AGMO: variants seen among roughly 807,000 people sequenced by gnomAD.
The protein encoded by AGMO is glyceryl-ether monooxygenase.
A neutral mutation model predicts 60.2 loss-of-function variants in AGMO; 75 were observed. That is an observed-to-expected ratio of 1.25 (90% confidence interval 1.03 to 1.51). The LOEUF (loss-of-function observed/expected upper bound fraction) is 1.51. Ranked by LOEUF, AGMO falls within the 40% of genes most tolerant of loss-of-function variation. The probability of loss-of-function intolerance (pLI) is 0.00; values close to 1 mark genes in which losing one functional copy is unlikely to be tolerated. For synonymous variants in AGMO, 261 were observed against 177.1 expected (o/e 1.47, Z -3.76); for missense variants, 763 against 525.5 (o/e 1.45, Z -4.42).
At chr7:15,140,641 TCTC>T in the AGMO span, among the ~76,000 whole-genome samples, 1 of 152,298 alleles carries the variant, frequency 6.6e-6, no homozygotes, top group South Asian at 2.1e-4. Context: ...TCATCGGTTC[TCTC>T]TTCAGTCTAA....
intron 4 of AGMO, among the ~76,000 whole-genome samples, chr7:15,419,222 G>A (rs574426528): frequency 1.1e-3 from 172 of 151,800 alleles, no homozygotes; most frequent in African/African-American, 4.0e-3. Context: ...TGGTTCCATG[G>A]TGAAAAAAAT....
chr7:15,303,443 A>T (rs888221289), intron 12 of AGMO, among the ~76,000 whole-genome samples: 1 of 151,852 alleles, frequency 6.6e-6, no homozygotes. Context: ...ACAGAAAAAA[A>T]AAAGAGAGAG....
At chr7:15,296,310 A>C (rs1260638432) in intron 12 of AGMO, among the ~76,000 whole-genome samples, 1 of 152,196 alleles carries the variant, frequency 6.6e-6, no homozygotes, top group Non-Finnish European at 1.5e-5. Flanking sequence ...CCCTAAGTTT[A>C]TCTGACTAAA....
intron 12 of AGMO, among the ~76,000 whole-genome samples, chr7:15,312,920 C>T (rs1466056516): frequency 6.6e-6 from 1 of 152,042 alleles, no homozygotes; most frequent in Non-Finnish European, 1.5e-5. Flanking sequence ...CCACCCACCT[C>T]GGCCTCCCAA....
intron 4 of AGMO, among the ~76,000 whole-genome samples, chr7:15,419,963 C>G (rs1780882086): frequency 6.6e-6 from 1 of 152,022 alleles, no homozygotes; most frequent in Admixed American, 6.6e-5. Flanking sequence ...AGGTTAACAG[C>G]AAAATACTTG....
rs760546572 is a variant in AGMO at position 15,560,310 on chromosome 7, C to T, written c.127-39G>A. ...TGCAGAAAAGAGATGCTATTATGTT[C>T]CATATGAAATTATTTTACATTTCCT... is the stretch of plus-strand genomic sequence containing the variant. On this transcript the variant is annotated intron_variant, in intron 1 of 12. Coordinates refer to ENST00000342526, the MANE Select transcript of AGMO (RefSeq NM_001004320.2). 17 of 1,583,786 alleles carry T rather than the reference C, an allele frequency of 1.1e-5. No individual in the cohort carries two copies. In the South Asian group the frequency reaches 1.4e-4, roughly 13 times the overall value.
At chr7:15,362,540 C>T (rs138625060) in intron 12 of AGMO, among the ~76,000 whole-genome samples, 2 of 152,098 alleles carry the variant, frequency 1.3e-5, no homozygotes, top group Non-Finnish European at 2.9e-5. Context: ...ATTTTTCCAC[C>T]AAACCATGTG....
At chr7:15,240,110 C>T (rs567950853) in intron 12 of AGMO, among the ~76,000 whole-genome samples, 1 of 152,196 alleles carries the variant, frequency 6.6e-6, no homozygotes, top group African/African-American at 2.4e-5. Flanking sequence ...AATCAAGCTA[C>T]ATCAAAGGGG....
At chr7:15,123,510 C>T in the AGMO span, among the ~76,000 whole-genome samples, 510 of 152,026 alleles carry the variant, frequency 3.4e-3, 1 homozygote, top group South Asian at 0.013. Context: ...TGAATGAATA[C>T]TTATATTCAC....
At chr7:15,395,888 A>G (rs1784356329) in intron 5 of AGMO, among the ~76,000 whole-genome samples, 3 of 152,162 alleles carry the variant, frequency 2.0e-5, no homozygotes, top group Admixed American at 2.0e-4. Flanking sequence ...TGCTCAATAC[A>G]TGTGAATAGG....
chr7:15,516,059 T>C (rs1380575666), intron 3 of AGMO, among the ~76,000 whole-genome samples: 1 of 152,190 alleles, frequency 6.6e-6, no homozygotes, highest in Non-Finnish European at 1.5e-5. Flanking sequence ...ATGTGAGGTA[T>C]GATGTAAATT....
chr7:15,295,460 T>C (rs932072415), intron 12 of AGMO, among the ~76,000 whole-genome samples: 1 of 151,984 alleles, frequency 6.6e-6, no homozygotes, highest in South Asian at 2.1e-4. Context: ...ATACAATAAT[T>C]GCTATGGAGA....
chr7:15,504,182 A>G (rs1276275447), intron 3 of AGMO, among the ~76,000 whole-genome samples: 2 of 152,036 alleles, frequency 1.3e-5, no homozygotes, highest in South Asian at 2.1e-4. Context: ...CTGACCCAGC[A>G]TACCAACTGC....
At chr7:15,329,569 G>C (rs759646139) in intron 12 of AGMO, among the ~76,000 whole-genome samples, 1 of 152,170 alleles carries the variant, frequency 6.6e-6, no homozygotes, top group East Asian at 1.9e-4. Flanking sequence ...TTCTATCAGA[G>C]AGGAATAACC....
chr7:15,202,655 CTAAAAATA>C (rs1441526963), intron 12 of AGMO, among the ~76,000 whole-genome samples: 1 of 151,898 alleles, frequency 6.6e-6, no homozygotes, highest in Non-Finnish European at 1.5e-5. Flanking sequence ...TGAAAAAATA[CTAAAAATA>C]AAATCAGCAG....
chr7:15,439,441 T>C (rs896612292), intron 3 of AGMO, among the ~76,000 whole-genome samples: 3 of 152,140 alleles, frequency 2.0e-5, no homozygotes, highest in African/African-American at 7.2e-5. Flanking sequence ...CTGCAGCTTT[T>C]TCCTCCCTCC....
chr7:15,336,891 T>C (rs1781680625), intron 12 of AGMO, among the ~76,000 whole-genome samples: 1 of 152,220 alleles, frequency 6.6e-6, no homozygotes, highest in African/African-American at 2.4e-5. Flanking sequence ...AGAGTAATTT[T>C]CTCAAACCAC....
intron 10 of AGMO, among the ~76,000 whole-genome samples, chr7:15,376,256 T>C (rs1783445590): frequency 6.6e-6 from 1 of 151,954 alleles, no homozygotes; most frequent in African/African-American, 2.4e-5. Flanking sequence ...CCCAAGGGGA[T>C]AGACTAGAGA....
At position 15,202,458 on chromosome 7, in the gene AGMO, C is replaced by CAAAAAAAAAAAAAAAA. The variant is rs71004370; in HGVS notation, c.1264-1115_1264-1100dup. Among the ~76,000 whole-genome samples the CAAAAAAAAAAAAAAAA allele has an allele frequency of 1.8e-3, 81 of 45,366 alleles. 10 individuals carry two copies. The highest frequency in any genetic ancestry group is 4.4e-3 in the East Asian group (4 of 914). The allele number at this position is 45,366 out of a possible 152,430, so 29.8% of individuals were successfully genotyped here. A position where few individuals can be genotyped will look rare whatever the true frequency, so the allele number is the denominator to read the frequency against. On this transcript the variant is annotated intron_variant, in intron 12 of 12. Transcript: ENST00000342526. ...CACCAACAACCAAAATACAAATGAG[C>CAAAAAAAAAAAAAAAA]AAAAAAAAAAAAAAAAAAAAAAAAA...
Sources: gnomAD v4.1 joint callset for allele counts (sites outside exome capture counted in the v4.1 genomes callset) on GRCh38, gnomAD v4.1.1 for gene constraint, MANE v1.5 for transcripts, NCBI Gene and HGNC (gene_info 2026-07-23, HGNC 2026-07-21) for gene names.